CELF2: variants seen among roughly 807,000 people sequenced by gnomAD.
CELF2 encodes the protein CUGBP Elav-like family member 2.
CELF2 carries 8 observed loss-of-function variants against 62.6 expected under a neutral mutation model. The observed-to-expected ratio is 0.13, with a 90% CI of 0.07 to 0.23. The LOEUF is 0.23. Among genes scored for constraint, CELF2 ranks in the 10% least tolerant of loss-of-function variants. CELF2 has a pLI of 1.00. For missense variants in CELF2, 333 were observed against 671.0 expected (o/e 0.50, Z 5.56); for synonymous variants, 258 against 250.0 (o/e 1.03, Z -0.30).
At chr10:11,149,754 T>A (rs2062972315) in intron 1 of CELF2, among the ~76,000 whole-genome samples, 1 of 152,202 alleles carries the variant, frequency 6.6e-6, no homozygotes, top group Non-Finnish European at 1.5e-5. Context: ...AACCTCTGAA[T>A]GGAAGCCTCA....
chr10:10,627,199 T>A, the CELF2 span, among the ~76,000 whole-genome samples: 2 of 152,312 alleles, frequency 1.3e-5, no homozygotes, highest in Admixed American at 1.3e-4. Context: ...CACAGGAGTT[T>A]ATATCTCAGA....
At chr10:10,602,106 A>G in the CELF2 span, among the ~76,000 whole-genome samples, 2 of 152,138 alleles carry the variant, frequency 1.3e-5, no homozygotes, top group Non-Finnish European at 2.9e-5. Context: ...TCCATGGTGT[A>G]TATGTACAAC....
intron 1 of CELF2, among the ~76,000 whole-genome samples, chr10:10,801,849 C>T (rs536869598): frequency 6.6e-6 from 1 of 152,252 alleles, no homozygotes; most frequent in East Asian, 1.9e-4. Flanking sequence ...AGGAGATGAT[C>T]TGTTTGCAGT....
intron 7 of CELF2, among the ~76,000 whole-genome samples, chr10:11,274,071 C>G (rs4750037): frequency 0.47 from 71,204 of 150,658 alleles, 18,803 homozygotes; most frequent in Non-Finnish European, 0.61. Flanking sequence ...TAATCTTGTT[C>G]CTCCTGAGCA....
chr10:10,492,855 T>A, the CELF2 span, among the ~76,000 whole-genome samples: 108,503 of 151,742 alleles, frequency 0.72, 39,349 homozygotes, highest in South Asian at 0.8. Context: ...ACTGTTCTCA[T>A]GGTAGTGAAT....
intron 1 of CELF2, among the ~76,000 whole-genome samples, chr10:11,079,341 T>C (rs2073206341): frequency 6.6e-6 from 1 of 152,240 alleles, no homozygotes; most frequent in Admixed American, 6.5e-5. Flanking sequence ...TAGGTTGAAG[T>C]ACAGCTGTCA....
At chr10:11,197,612 C>T (rs2058293304) in intron 2 of CELF2, among the ~76,000 whole-genome samples, 1 of 152,254 alleles carries the variant, frequency 6.6e-6, no homozygotes, top group Non-Finnish European at 1.5e-5. Context: ...ACGGAAGTAA[C>T]ACAGGCTGTC....
intron 9 of CELF2, among the ~76,000 whole-genome samples, chr10:11,304,125 C>A (rs187554749): frequency 4.6e-4 from 70 of 152,254 alleles, no homozygotes; most frequent in African/African-American, 1.6e-3. Flanking sequence ...AGGAACCCAG[C>A]AGACTCACTG....
intron 2 of CELF2, among the ~76,000 whole-genome samples, chr10:10,923,665 T>A (rs1282559101): frequency 6.6e-6 from 1 of 152,134 alleles, no homozygotes; most frequent in Non-Finnish European, 1.5e-5. Context: ...CAGAAAAAAA[T>A]TAGATTATAT....
intron 1 of CELF2, among the ~76,000 whole-genome samples, chr10:10,808,634 T>TTTA (rs2055498259): frequency 6.6e-6 from 1 of 152,178 alleles, no homozygotes. Flanking sequence ...AATTTAAAAG[T>TTTA]AAATACAGGA....
intron 1 of CELF2, among the ~76,000 whole-genome samples, chr10:10,901,711 T>C (rs1324922377): frequency 6.6e-6 from 1 of 152,042 alleles, no homozygotes; most frequent in Non-Finnish European, 1.5e-5. Context: ...AATAAGAGAA[T>C]GAAAAAAGAA....
At chr10:10,573,757 T>G in the CELF2 span, among the ~76,000 whole-genome samples, 18 of 146,600 alleles carry the variant, frequency 1.2e-4, no homozygotes, top group Non-Finnish European at 2.5e-4. Context: ...TTCAACATAA[T>G]CGTTTCAGCT....
chr10:10,650,879 G>T, the CELF2 span, among the ~76,000 whole-genome samples: 533 of 152,230 alleles, frequency 3.5e-3, 3 homozygotes, highest in African/African-American at 0.012. Context: ...CAAGATGGCC[G>T]AATAGGAACA....
the CELF2 span, among the ~76,000 whole-genome samples, chr10:10,670,051 C>T: frequency 1.3e-5 from 2 of 151,888 alleles, no homozygotes; most frequent in African/African-American, 2.4e-5. Flanking sequence ...TACAGGCAAG[C>T]GCCACCATGC....
At chr10:10,527,031 G>A in the CELF2 span, among the ~76,000 whole-genome samples, 1 of 152,232 alleles carries the variant, frequency 6.6e-6, no homozygotes, top group Non-Finnish European at 1.5e-5. Context: ...CAATCCAGAT[G>A]TGTTTTTTTG....
the CELF2 span, among the ~76,000 whole-genome samples, chr10:10,653,805 G>T: frequency 1.4e-5 from 2 of 147,496 alleles, no homozygotes; most frequent in African/African-American, 5.0e-5. Context: ...ACAATTAAAA[G>T]AACTGGAAAA....
At chr10:10,897,191 A>G (rs1036279385) in intron 1 of CELF2, among the ~76,000 whole-genome samples, 18 of 152,236 alleles carry the variant, frequency 1.2e-4, no homozygotes, top group East Asian at 3.8e-4. Context: ...GAGAATACCT[A>G]TATCATCATG....
the CELF2 span, among the ~76,000 whole-genome samples, chr10:10,529,683 C>CA: frequency 2.0e-4 from 13 of 65,476 alleles, 1 homozygote; most frequent in South Asian, 1.4e-3. Context: ...GACTCCATCT[C>CA]AAAAAAAAAA....
Position 11,217,287 on chromosome 10 carries a change from G to A in CELF2, c.272-138G>A, listed in dbSNP as rs947359043. 12 of 558,796 alleles carry A rather than the reference G, an allele frequency of 2.1e-5. No individual in the cohort carries two copies. The highest frequency in any genetic ancestry group is 2.1e-4 in the African/African-American group (11 of 52,132). 34.6% of individuals were successfully genotyped at this position (558,796 alleles called of 1,614,324 possible). On this transcript the variant is annotated intron_variant, in intron 2 of 12. Coordinates refer to ENST00000633077, the MANE Select transcript of CELF2 (RefSeq NM_001326342.2). The surrounding 1 kb of genome is among the most constrained non-coding windows in gnomAD (Gnocchi z 5.6). ...GTACTGTGTAAATGCTTGAGATGTTGTTATTGCTGTTCTCATATGCTTTAT... is the reference window on the plus strand; with the variant it reads ...GTACTGTGTAAATGCTTGAGATGTTATTATTGCTGTTCTCATATGCTTTAT...
Sources: gnomAD v4.1 joint callset for allele counts (sites outside exome capture counted in the v4.1 genomes callset) on GRCh38, gnomAD v4.1.1 for gene constraint, Gnocchi (gnomAD v3.1) non-coding constraint, MANE v1.5 for transcripts, NCBI Gene and HGNC (gene_info 2026-07-23, HGNC 2026-07-21) for gene names.